Variants in ZNF471 observed in about 807,000 individuals in gnomAD.
ZNF471 encodes zinc finger protein 471.
ZNF471 carries 7 observed loss-of-function variants against 13.7 expected under a neutral mutation model. That is an observed-to-expected ratio of 0.51 (90% CI 0.29 to 0.96). ZNF471 has a LOEUF of 0.96. Ranked by LOEUF, ZNF471 falls within the 40% of genes least tolerant of loss-of-function variation. The probability of loss-of-function intolerance (pLI) is 0.08; values close to 1 mark genes in which losing one functional copy is unlikely to be tolerated. For missense variants in ZNF471, 663 were observed against 743.3 expected, an observed-to-expected ratio of 0.89 and a Z score of 1.26; for synonymous variants, 218 against 235.6, an observed-to-expected ratio of 0.93 and a Z score of 0.68.
chr19:56,511,129 G>T (rs1274809739), intron 1 of ZNF471, among the ~76,000 whole-genome samples: 1 of 148,820 alleles, frequency 6.7e-6, no homozygotes, highest in African/African-American at 2.5e-5. Flanking sequence ...CCATCCATCT[G>T]GCCCAGAAAG....
At chr19:56,521,285 G>T (rs1009054521) in intron 4 of ZNF471, among the ~76,000 whole-genome samples, 1 of 152,128 alleles carries the variant, frequency 6.6e-6, no homozygotes, top group Non-Finnish European at 1.5e-5. Context: ...ATTATGGACT[G>T]CATATAAGAC....
In ZNF471 at chr19:56,510,818, A is replaced by G. The variant is rs1019751332; in HGVS notation, c.-55-699A>G. The G allele has an allele frequency of 8.1e-6, 8 of 985,342 alleles. No homozygotes were observed. In the African/African-American group the frequency reaches 1.0e-4, roughly 13 times the overall value. The allele number at this position is 985,342 out of a possible 1,614,324, so 61.0% of individuals were successfully genotyped here. ...GAATAGAATTCCTGTCCCCAGTCCA[A>G]GGGTTTCAGTAAGAAGCAAAGCTGG... On this transcript the variant is annotated intron_variant, in intron 1 of 4. Coordinates refer to ENST00000308031, the MANE Select transcript of ZNF471 (RefSeq NM_020813.4). This position sits in a 1 kb window ranked among gnomAD's most constrained non-coding sequence, Gnocchi z 4.3.
At chr19:56,523,998 G>T (rs1378148330) in intron 4 of ZNF471, among the ~76,000 whole-genome samples, 1 of 151,908 alleles carries the variant, frequency 6.6e-6, no homozygotes, top group Non-Finnish European at 1.5e-5. Context: ...TAATTTTTGT[G>T]TTTTTTGCAG....
rs972029649 is a variant in ZNF471 at position 56,526,457 on chromosome 19, G to C, written c.*509G>C. 6.5e-6 allele frequency: 1 copy of C among 153,388 alleles called. No individual in the cohort carries two copies. The highest frequency in any genetic ancestry group is 1.5e-5 in the Non-Finnish European group (1 of 68,938). 9.5% of individuals were successfully genotyped at this position (153,388 alleles called of 1,614,324 possible). On this transcript the variant is annotated 3_prime_UTR_variant, in exon 5 of 5. Coordinates refer to ENST00000308031, the MANE Select transcript of ZNF471 (RefSeq NM_020813.4). ...CTGGGCGGCCATTCGGGCAGACACC[G>C]AGCTAGCTGTAGGAGTTTTTTTGAT...
rs534518000 is a variant in ZNF471, at chr19:56,521,861, C to T, written c.257-2463C>T. Among the ~76,000 whole-genome samples, 14 of 152,122 alleles carry T rather than the reference C, an allele frequency of 9.2e-5. No homozygotes were observed. The South Asian group carries it at 1.0e-3, about 11-fold the overall frequency. On this transcript the variant is annotated intron_variant, in intron 4 of 4. Transcript: ENST00000308031. ...ACTCAGGAAGCTAAGGCAGAAGGAT[C>T]ACTTGAGCCCAGGAGTTTGAGGATG... is the stretch of plus-strand genomic sequence containing the variant.
In ZNF471 at chr19:56,524,298, A is replaced by G. The variant is rs752501626; in HGVS notation, c.257-26A>G. ...TGTTGTAGCCCATGATAAAGGGAAC[A>G]TTCACTTTTTTTTAATATCTTTCAG... On this transcript the variant is annotated intron_variant, in intron 4 of 4. Coordinates refer to ENST00000308031, the MANE Select transcript of ZNF471 (RefSeq NM_020813.4). The surrounding 1 kb of genome is among the most constrained non-coding windows in gnomAD (Gnocchi z 4.8). 11 of 1,451,436 alleles carry G rather than the reference A, an allele frequency of 7.6e-6. No individual in the cohort carries two copies. Among genetic ancestry groups the G allele is most frequent in the Non-Finnish European group, 1.0e-5 (11 of 1,084,718 alleles). 89.9% of individuals were successfully genotyped at this position (1,451,436 alleles called of 1,614,324 possible). A position where few individuals can be genotyped will look rare whatever the true frequency, so the allele number is the denominator to read the frequency against.
rs746619225 is a variant in ZNF471, at chr19:56,508,989, C to T, written c.-56+1069C>T. The stretch of plus-strand genomic sequence containing the variant: ...TATGAGTTTGTGAGAGAGAGGGAGG[C>T]GATCAAAGTATAGGACAAAGTTATG... On this transcript the variant is annotated intron_variant, in intron 1 of 4. Coordinates refer to ENST00000308031, the MANE Select transcript of ZNF471 (RefSeq NM_020813.4). This position sits in a 1 kb window ranked among gnomAD's most constrained non-coding sequence, Gnocchi z 4.7. Among the ~76,000 whole-genome samples the T allele has an allele frequency of 8.5e-5, 13 of 152,066 alleles. No individual in the cohort carries two copies. The highest frequency in any genetic ancestry group is 1.0e-4 in the Non-Finnish European group (7 of 68,004).
intron 2 of ZNF471, among the ~76,000 whole-genome samples, chr19:56,515,824 C>T (rs1437722326): frequency 6.6e-6 from 1 of 152,152 alleles, no homozygotes; most frequent in Non-Finnish European, 1.5e-5. Context: ...GGGTGGAAAA[C>T]ACAGTATTCA....
chr19:56,509,260 T>A (rs1270777569), intron 1 of ZNF471, among the ~76,000 whole-genome samples: 1 of 152,196 alleles, frequency 6.6e-6, no homozygotes, highest in Non-Finnish European at 1.5e-5. Context: ...CATGCCTACA[T>A]TATGAAGCTT....
In ZNF471 at chr19:56,508,066, C is replaced by G; in HGVS notation, c.-56+146C>G. 1.0e-6 allele frequency: 1 copy of G among 985,962 alleles called. No individual in the cohort carries two copies. The highest frequency in any genetic ancestry group is 1.1e-4 in the East Asian group (1 of 8,808). 61.1% of individuals were successfully genotyped at this position (985,962 alleles called of 1,614,324 possible). On this transcript the variant is annotated intron_variant, in intron 1 of 4. Coordinates refer to ENST00000308031, the MANE Select transcript of ZNF471 (RefSeq NM_020813.4). The surrounding 1 kb of genome is among the most constrained non-coding windows in gnomAD (Gnocchi z 4.7). ...ACATTTCCCAGAGGCCAGCGGGGCG[C>G]GCGTACTCGAGTCTGCGGGGCGGAG... is the stretch of plus-strand genomic sequence containing the variant.
chr19:56,525,545 G>A lies in ZNF471; in HGVS notation c.1478G>A (p.Gly493Glu), dbSNP rs762033462. Residue 493 changes from glycine (G) to glutamate (E), a missense_variant, in exon 5 of 5, where the codon GGA becomes GAA. Coordinates refer to ENST00000308031, the MANE Select transcript of ZNF471 (RefSeq NM_020813.4). ...AAACCCTATGAATGTAAAGAATGTG[G>A]AAAAGCTTTTAGAATCAGTTCACAG... ...GEKPYECKEC[G>E]KAFRISSQLA... 3.1e-6 allele frequency: 5 copies of A among 1,614,044 alleles called. No homozygotes were observed. The highest frequency in any genetic ancestry group is 4.2e-6 in the Non-Finnish European group (5 of 1,180,006).
At position 56,525,490 on chromosome 19, in the gene ZNF471, G is replaced by T; in HGVS notation, c.1423G>T (p.Val475Phe). The change falls in exon 5 of 5, where the codon GTT (valine) becomes TTT (phenylalanine). Residue 475 changes from valine (V) to phenylalanine (F), a missense_variant. Val to Phe is a conservative substitution (Grantham distance 50). Coordinates refer to ENST00000308031, the MANE Select transcript of ZNF471 (RefSeq NM_020813.4). Reference sequence around the variant, plus strand: ...AGCCTTTAGGCAGAATGTACACCTTGTTAGTCATTTGAGAATTCATACTGG... The same window carrying T: ...AGCCTTTAGGCAGAATGTACACCTTTTTAGTCATTTGAGAATTCATACTGG... The part of the protein sequence containing the change: ...GKAFRQNVHL[V>F]SHLRIHTGEK... 6.2e-7 allele frequency: 1 copy of T among 1,614,080 alleles called. No homozygotes were observed. The highest frequency in any genetic ancestry group is 8.5e-7 in the Non-Finnish European group (1 of 1,180,022).
intron 2 of ZNF471, among the ~76,000 whole-genome samples, chr19:56,515,936 A>G (rs1214892091): frequency 6.6e-6 from 1 of 152,248 alleles, no homozygotes; most frequent in Non-Finnish European, 1.5e-5. Context: ...GCCCCTGCCA[A>G]TAAAACTTGG....
chr19:56,510,287 A>T lies in ZNF471; in HGVS notation c.-55-1230A>T, dbSNP rs2043792879. ...CTTTGAAAGATACCATTGAATGTGT[A>T]TGTATGAGAGACCATCATGTTTATA... On this transcript the variant is annotated intron_variant, in intron 1 of 4. Coordinates refer to ENST00000308031, the MANE Select transcript of ZNF471 (RefSeq NM_020813.4). This position sits in a 1 kb window ranked among gnomAD's most constrained non-coding sequence, Gnocchi z 4.3. 1 of 985,364 alleles carries T rather than the reference A, an allele frequency of 1.0e-6. No homozygotes were observed. Among genetic ancestry groups the T allele is most frequent in the Non-Finnish European group, 1.2e-6 (1 of 829,974 alleles). The allele number at this position is 985,364 out of a possible 1,614,324, so 61.0% of individuals were successfully genotyped here.
At chr19:56,518,360 G>C (rs892877155) in intron 3 of ZNF471, 122 bp from the exon 4 acceptor site, 80 of 719,532 alleles carry the variant, frequency 1.1e-4, no homozygotes, top group Middle Eastern at 3.4e-4. Context: ...CTGTCCTTCA[G>C]ATGTGCTTTA....
chr19:56,518,442 C>A, intron 3 of ZNF471, 40 bp from the exon 4 acceptor site: 2 of 1,549,126 alleles, frequency 1.3e-6, no homozygotes, highest in South Asian at 1.2e-5. Context: ...TGAAATAACC[C>A]AAAACATGAC....
At chr19:56,518,892 CTA>C (rs1793464996) in intron 4 of ZNF471, among the ~76,000 whole-genome samples, 1 of 152,114 alleles carries the variant, frequency 6.6e-6, no homozygotes, top group Non-Finnish European at 1.5e-5. Context: ...ATATAAACTT[CTA>C]TGTTTCTTAA....
rs1216009779 is a variant in ZNF471, at chr19:56,508,626, C to T, written c.-56+706C>T. Among the ~76,000 whole-genome samples, 1 of 151,094 alleles carries T rather than the reference C, an allele frequency of 6.6e-6. No homozygotes were observed. Among genetic ancestry groups the T allele is most frequent in the East Asian group, 2.0e-4 (1 of 5,090 alleles). On this transcript the variant is annotated intron_variant, in intron 1 of 4. Transcript: ENST00000308031. This position sits in a 1 kb window ranked among gnomAD's most constrained non-coding sequence, Gnocchi z 4.7. ...GAATCACCATGTATGCGAGACTAGA[C>T]TGTGCAAGAACAGAGTGTGAGACTG...
Position 56,522,214 on chromosome 19 carries a change from A to T in ZNF471, c.257-2110A>T, listed in dbSNP as rs1025481727. On this transcript the variant is annotated intron_variant, in intron 4 of 4. Transcript: ENST00000308031. The surrounding 1 kb of genome is among the most constrained non-coding windows in gnomAD (Gnocchi z 4.1). The stretch of plus-strand genomic sequence containing the variant: ...GAGCATTTCTCCATCATTAAGTGAC[A>T]CAAGACTATTTTGTTATAGCAACCC... Among the ~76,000 whole-genome samples, 10 of 152,156 alleles carry T rather than the reference A, an allele frequency of 6.6e-5. No homozygotes were observed. Among genetic ancestry groups the T allele is most frequent in the African/African-American group, 2.4e-4 (10 of 41,420 alleles).
Sources: gnomAD v4.1 joint callset for allele counts (sites outside exome capture counted in the v4.1 genomes callset) on GRCh38, gnomAD v4.1.1 for gene constraint, Gnocchi (gnomAD v3.1) non-coding constraint, MANE v1.5 for transcripts, NCBI Gene and HGNC (gene_info 2026-07-23, HGNC 2026-07-21) for gene names.